Variants in STPG4 observed in about 807,000 individuals in gnomAD.
The protein encoded by STPG4 is protein STPG4.
A neutral mutation model predicts 31.5 loss-of-function variants in STPG4; 41 were observed. The observed-to-expected ratio is 1.30, with a 90% CI of 1.01 to 1.69. The LOEUF is 1.69. Among genes scored for constraint, STPG4 ranks in the 40% most tolerant of loss-of-function variants. The pLI is 0.00. For synonymous variants in STPG4, 141 were observed against 103.0 expected, an observed-to-expected ratio of 1.37 and a Z score of -2.24; for missense variants, 375 against 293.4, an observed-to-expected ratio of 1.28 and a Z score of -2.03.
chr2:47,093,763 C>A (rs1685619181), intron 5 of STPG4, among the ~76,000 whole-genome samples: 1 of 152,248 alleles, frequency 6.6e-6, no homozygotes, highest in Non-Finnish European at 1.5e-5. Context: ...TTACTGAACG[C>A]TATTCCACAT....
At chr2:47,087,215 T>C in intron 6 of STPG4, 85 bp from the exon 7 acceptor site, 1 of 1,472,798 alleles carries the variant, frequency 6.8e-7, no homozygotes, top group Non-Finnish European at 9.2e-7. Flanking sequence ...GGCTTGGATG[T>C]GGTGGACAAA....
chr2:47,130,024 A>AT, intron 4 of STPG4, 29 bp from the exon 5 acceptor site: 2 of 1,502,684 alleles, frequency 1.3e-6, no homozygotes, highest in Non-Finnish European at 1.8e-6. Context: ...AAGAAAAGTG[A>AT]TTTTCTAAAT....
At chr2:47,121,452 G>A (rs555780567) in intron 5 of STPG4, among the ~76,000 whole-genome samples, 3 of 152,226 alleles carry the variant, frequency 2.0e-5, no homozygotes, top group Admixed American at 6.5e-5. Context: ...CTGATGAGTC[G>A]TTTTGAATCA....
At position 47,103,754 on chromosome 2, in the gene STPG4, T is replaced by C. The variant is rs372938425; in HGVS notation, c.520-13380A>G. On this transcript the variant is annotated intron_variant, in intron 5 of 6. Coordinates refer to ENST00000445927, the MANE Select transcript of STPG4 (RefSeq NM_001163561.2). ...CCTGGGTCAGAAGCCCCTAACCAGATGATCCAACAACAGGACTGAGGGTGC... is the reference window on the plus strand; with the variant it reads ...CCTGGGTCAGAAGCCCCTAACCAGACGATCCAACAACAGGACTGAGGGTGC... Among the ~76,000 whole-genome samples, 18 of 152,124 alleles carry C rather than the reference T, an allele frequency of 1.2e-4. No individual in the cohort carries two copies. The East Asian group carries it at 2.7e-3, about 23-fold the overall frequency.
intron 3 of STPG4, among the ~76,000 whole-genome samples, chr2:47,134,696 C>G (rs1192214255): frequency 6.6e-6 from 1 of 152,196 alleles, no homozygotes; most frequent in Non-Finnish European, 1.5e-5. Flanking sequence ...TGGGTGTAAG[C>G]TTTCAAGTCC....
intron 3 of STPG4, among the ~76,000 whole-genome samples, chr2:47,150,776 C>T (rs1686918454): frequency 1.3e-5 from 2 of 151,958 alleles, no homozygotes; most frequent in South Asian, 2.1e-4. Flanking sequence ...TGCACTACTA[C>T]ACCCGGCTAT....
chr2:47,128,731 G>A (rs1455097186), intron 5 of STPG4: 1 of 152,150 alleles, frequency 6.6e-6, no homozygotes, highest in East Asian at 1.9e-4. Flanking sequence ...ACATCCAGGA[G>A]CCAATGCCTG....
At position 47,090,385 on chromosome 2, in the gene STPG4, T is replaced by C. The variant is rs776840947; in HGVS notation, c.520-11A>G. The stretch of plus-strand genomic sequence containing the variant: ...ACCAGGGCCTTCATGCTATTGAACA[T>C]TTAAAAAATTGCTTCATTATTATTG... On this transcript the variant is annotated splice_polypyrimidine_tract_variant and intron_variant, in intron 5 of 6. Transcript: ENST00000445927. 4.2e-5 allele frequency: 64 copies of C among 1,510,972 alleles called. No homozygotes were observed. In the African/African-American group the frequency reaches 4.7e-4, roughly 11 times the overall value. 93.6% of individuals were successfully genotyped at this position (1,510,972 alleles called of 1,614,324 possible).
intron 6 of STPG4, among the ~76,000 whole-genome samples, chr2:47,089,562 G>C (rs1157382523): frequency 6.6e-6 from 1 of 152,010 alleles, no homozygotes; most frequent in African/African-American, 2.4e-5. Flanking sequence ...CATCTCAAAT[G>C]AGTCTACATA....
At chr2:47,114,763 A>AT (rs919509008) in intron 5 of STPG4, among the ~76,000 whole-genome samples, 14 of 150,472 alleles carry the variant, frequency 9.3e-5, no homozygotes, top group African/African-American at 2.7e-4. Flanking sequence ...CCAACAATAC[A>AT]TTTTTTTATT....
chr2:47,101,027 A>AATCGCCAAGCGGTGAGACC (rs1244937036), intron 5 of STPG4, among the ~76,000 whole-genome samples: 2 of 151,722 alleles, frequency 1.3e-5, no homozygotes, highest in East Asian at 3.9e-4. Context: ...GCGGTGAGAC[A>AATCGCCAAGCGGTGAGACC]ATCGCCAAGC....
intron 5 of STPG4, among the ~76,000 whole-genome samples, chr2:47,122,821 GT>G (rs1553426781): frequency 2.7e-5 from 4 of 150,032 alleles, no homozygotes; most frequent in East Asian, 1.9e-4. Flanking sequence ...TTGTCTGTTT[GT>G]TTTGTTTTTG....
intron 5 of STPG4, among the ~76,000 whole-genome samples, chr2:47,102,357 C>A (rs1462139793): frequency 6.6e-6 from 1 of 151,772 alleles, no homozygotes; most frequent in Non-Finnish European, 1.5e-5. Context: ...GCCTTTGGGA[C>A]CAATTTGACC....
chr2:47,139,541 C>T lies in STPG4; in HGVS notation c.400-9281G>A, dbSNP rs560895868. Among the ~76,000 whole-genome samples the T allele has an allele frequency of 2.6e-5, 4 of 152,184 alleles. 1 individual carries two copies. Among genetic ancestry groups the T allele is most frequent in the African/African-American group, 7.2e-5 (3 of 41,524 alleles). On this transcript the variant is annotated intron_variant, in intron 3 of 6. Coordinates refer to ENST00000445927, the MANE Select transcript of STPG4 (RefSeq NM_001163561.2). ...GTCCCCCCTGTTGCCAGCATCTCCA[C>T]CTTCTACAAAATGGGTGGTCTTTTT...
intron 3 of STPG4, among the ~76,000 whole-genome samples, chr2:47,142,358 C>A (rs1018132486): frequency 6.6e-6 from 1 of 152,086 alleles, no homozygotes; most frequent in Admixed American, 6.6e-5. Context: ...CAAGGCAATG[C>A]TAAAGCTAAC....
intron 5 of STPG4, among the ~76,000 whole-genome samples, chr2:47,094,806 G>A (rs998208877): frequency 6.6e-6 from 1 of 152,220 alleles, no homozygotes; most frequent in South Asian, 2.1e-4. Flanking sequence ...AGAGCTCCTA[G>A]GTCTCTGTCA....
At chr2:47,146,557 C>A (rs1686823407) in intron 3 of STPG4, among the ~76,000 whole-genome samples, 1 of 107,536 alleles carries the variant, frequency 9.3e-6, no homozygotes, top group Non-Finnish European at 1.9e-5. Context: ...GGGACCCCAT[C>A]TCTACTGAAA....
chr2:47,102,969 T>C (rs1685831238), intron 5 of STPG4, among the ~76,000 whole-genome samples: 1 of 151,882 alleles, frequency 6.6e-6, no homozygotes, highest in Admixed American at 6.6e-5. Context: ...GATCAAACCC[T>C]GGCCTGTAAT....
At chr2:47,099,118 G>A (rs181343425) in intron 5 of STPG4, among the ~76,000 whole-genome samples, 2 of 152,322 alleles carry the variant, frequency 1.3e-5, no homozygotes, top group Non-Finnish European at 2.9e-5. Flanking sequence ...GCAACACCAA[G>A]TGATCACAAA....
Sources: allele counts gnomAD v4.1 joint callset (sites outside exome capture counted in the v4.1 genomes callset), GRCh38; gene constraint gnomAD v4.1.1; transcripts MANE v1.5; gene names NCBI Gene and HGNC (gene_info 2026-07-23, HGNC 2026-07-21).